The following KLHL22 variants were observed in gnomAD, a reference collection of about 807,000 sequenced individuals.
KLHL22 encodes kelch-like protein 22.
In KLHL22, 18 loss-of-function variants were observed where a neutral mutation model predicts 60.7. The observed-to-expected ratio is 0.30, with a 90% CI of 0.20 to 0.44. KLHL22 has a LOEUF of 0.44. Among genes scored for constraint, KLHL22 ranks in the 20% least tolerant of loss-of-function variants. The probability of loss-of-function intolerance (pLI) is 1.00; values close to 1 mark genes in which losing one functional copy is unlikely to be tolerated. For missense variants in KLHL22, 596 were observed against 852.3 expected (o/e 0.70, Z 3.74); for synonymous variants, 355 against 354.5 (o/e 1.00, Z -0.01).
chr22:20,483,344 G>C (rs1221611970), intron 2 of KLHL22: 2 of 734,080 alleles, frequency 2.7e-6, no homozygotes, highest in Non-Finnish European at 5.0e-6. Flanking sequence ...TCATCATATT[G>C]AGCCTGGATG....
At chr22:20,483,440 CT>C in intron 2 of KLHL22, 10 of 795,534 alleles carry the variant, frequency 1.3e-5, no homozygotes, top group East Asian at 2.5e-5. Flanking sequence ...TCTTGTAGGC[CT>C]TTTACTTCCT....
intron 3 of KLHL22, among the ~76,000 whole-genome samples, chr22:20,468,661 G>C (rs1033657535): frequency 5.3e-5 from 8 of 152,132 alleles, no homozygotes; most frequent in Non-Finnish European, 1.2e-4. Context: ...TTGTGAAGAA[G>C]CCTGTTTTTT....
At chr22:20,488,693 A>AGGGGAGAGGCGGGGAGGGGAGGC in intron 2 of KLHL22, 1 of 285,874 alleles carries the variant, frequency 3.5e-6, no homozygotes, top group Non-Finnish European at 6.4e-6. Flanking sequence ...GGAGGGGAGG[A>AGGGGAGAGGCGGGGAGGGGAGGC]GAGAAAGGAG....
intron 3 of KLHL22, among the ~76,000 whole-genome samples, chr22:20,466,720 G>A (rs2053242739): frequency 6.6e-6 from 1 of 152,178 alleles, no homozygotes; most frequent in Non-Finnish European, 1.5e-5. Context: ...GCAGTGCCAT[G>A]GCAAGATCAT....
At position 20,442,063 on chromosome 22, in the gene KLHL22, C is replaced by T. The variant is rs979292502; in HGVS notation, c.*10G>A. 15 of 1,492,800 alleles carry T rather than the reference C, an allele frequency of 1.0e-5. No individual in the cohort carries two copies. The highest frequency in any genetic ancestry group is 1.3e-5 in the Non-Finnish European group (15 of 1,120,640). 92.5% of individuals were successfully genotyped at this position (1,492,800 alleles called of 1,614,324 possible). A position where few individuals can be genotyped will look rare whatever the true frequency, so the allele number is the denominator to read the frequency against. On this transcript the variant is annotated 3_prime_UTR_variant, in exon 7 of 7. Transcript: ENST00000328879. Reference sequence around the variant, plus strand: ...AGCCTCCCTTCCCTCTGATGCCAGGCACAGGGAGCCTAGTCCTCACTGGAG... The same window carrying T: ...AGCCTCCCTTCCCTCTGATGCCAGGTACAGGGAGCCTAGTCCTCACTGGAG...
In KLHL22 at chr22:20,471,099, TCAGA is replaced by T. The variant is rs530207015; in HGVS notation, c.393+247_393+250del. On this transcript the variant is annotated intron_variant, in intron 3 of 6. Transcript: ENST00000328879. The stretch of plus-strand genomic sequence containing the variant: ...AGGATGCTTTCAATGACAGGGAGAC[TCAGA>T]CAGTGGGGAAACAACCAGCAATAGA... 3.5e-4 allele frequency among the ~76,000 whole-genome samples: 54 copies of T among 152,220 alleles called. 1 individual carries two copies. In the South Asian group the frequency reaches 0.011, roughly 32 times the overall value.
chr22:20,446,545 C>T lies in KLHL22; in HGVS notation c.1437G>A (p.Gly479=), dbSNP rs374263247. The stretch of plus-strand genomic sequence containing the variant: ...TGCCGTGCCAGGCGCGCCGCACAGG[C>T]CCATCAGCCAGTGTGTGCCAAGTGT... ...GSNTWHTLAD[G]PVRRAWHGMA... The change falls in exon 6 of 7, where the codon GGG becomes GGA. Residue 479 remains glycine (G), a synonymous_variant. Coordinates refer to ENST00000328879, the MANE Select transcript of KLHL22 (RefSeq NM_032775.4). 9 of 1,613,850 alleles carry T rather than the reference C, an allele frequency of 5.6e-6. No individual in the cohort carries two copies. Among genetic ancestry groups the T allele is most frequent in the African/African-American group, 4.0e-5 (3 of 75,046 alleles).
At chr22:20,457,710 G>T in intron 5 of KLHL22, 98 bp downstream of exon 5, 1 of 911,046 alleles carries the variant, frequency 1.1e-6, no homozygotes, top group South Asian at 1.6e-5. Flanking sequence ...CTGTTTCTCT[G>T]ACCTGGGACA....
intron 2 of KLHL22, among the ~76,000 whole-genome samples, chr22:20,479,691 G>A (rs551544451): frequency 1.3e-5 from 2 of 152,228 alleles, no homozygotes; most frequent in Admixed American, 1.3e-4. Context: ...GCAAAATCCT[G>A]TCTCAAAAAA....
rs1387685308 is a variant in KLHL22, at chr22:20,446,458, C to T, written c.1524G>A (p.Arg508=). ...CCCCACTCACCTGGTGCACGTCCCTCCTGTATCCGGCATCGTTGTTGCTGC... is the reference window on the plus strand; with the variant it reads ...CCCCACTCACCTGGTGCACGTCCCTTCTGTATCCGGCATCGTTGTTGCTGC... ...IGGSNNDAGY[R]RDVHQVACYS... Residue 508 remains arginine (R), a synonymous_variant, in exon 6 of 7, where the codon AGG becomes AGA. Transcript: ENST00000328879. 4 of 1,608,164 alleles carry T rather than the reference C, an allele frequency of 2.5e-6. No homozygotes were observed. Among genetic ancestry groups the T allele is most frequent in the Middle Eastern group, 1.7e-4 (1 of 6,056 alleles).
At chr22:20,482,890 T>C in intron 2 of KLHL22, 3 of 1,182,026 alleles carry the variant, frequency 2.5e-6, no homozygotes, top group East Asian at 4.7e-5. Context: ...TGGTGGTCTT[T>C]TGGATGGTTT....
At chr22:20,494,310 CAA>C (rs2053736755) in intron 1 of KLHL22, among the ~76,000 whole-genome samples, 1 of 152,172 alleles carries the variant, frequency 6.6e-6, no homozygotes, top group Non-Finnish European at 1.5e-5. Context: ...CTCCCAGGTT[CAA>C]GTGATCCTCC....
chr22:20,480,064 C>G (rs2053474340), intron 2 of KLHL22, among the ~76,000 whole-genome samples: 1 of 152,118 alleles, frequency 6.6e-6, no homozygotes, highest in Non-Finnish European at 1.5e-5. Context: ...ACACATGAAC[C>G]TTAAGGACAC....
intron 4 of KLHL22, among the ~76,000 whole-genome samples, chr22:20,464,193 C>T (rs137872764): frequency 4.6e-5 from 7 of 151,348 alleles, no homozygotes; most frequent in African/African-American, 1.2e-4. Flanking sequence ...ATCCTACGGA[C>T]CACAGCAGTC....
At chr22:20,487,540 A>G (rs967129267) in intron 2 of KLHL22, among the ~76,000 whole-genome samples, 5 of 151,816 alleles carry the variant, frequency 3.3e-5, no homozygotes, top group Admixed American at 1.3e-4. Context: ...TTATTTATAC[A>G]TACACACACA....
chr22:20,460,608 CCCAAAAAAAAAAA>C (rs2053137075), intron 4 of KLHL22, among the ~76,000 whole-genome samples: 8 of 32,684 alleles, frequency 2.4e-4, no homozygotes, highest in South Asian at 1.5e-3. Flanking sequence ...AACTCCATCC[CCCAAAAAAAAAAA>C]AAAAAAAAAA....
chr22:20,451,490 C>T, intron 5 of KLHL22: 1 of 1,598,252 alleles, frequency 6.3e-7, no homozygotes, highest in South Asian at 1.1e-5. Flanking sequence ...AATGTTACAC[C>T]AATGGCCACC....
intron 5 of KLHL22, chr22:20,451,482 T>G (rs1396989337): frequency 2.5e-6 from 4 of 1,598,988 alleles, no homozygotes; most frequent in Non-Finnish European, 3.4e-6. Flanking sequence ...ACTGGACTAA[T>G]GTTACACCAA....
At position 20,465,084 on chromosome 22, in the gene KLHL22, C is replaced by T. The variant is rs1485555063; in HGVS notation, c.886G>A (p.Asp296Asn). ...CCGAAGCCCACAACGCACTGGAAGT[C>T]CGACCGCAGCTCCGTTTGCGGGCTC... ...LQSPQTELRS[D>N]FQCVVGFGGI... The change falls in exon 4 of 7, where the codon GAC becomes AAC. Residue 296 changes from aspartate to asparagine, a missense_variant. By Grantham distance (23) the Asp-to-Asn change is conservative (BLOSUM62 1). Transcript: ENST00000328879. This position sits in a 1 kb window ranked among gnomAD's most constrained non-coding sequence, Gnocchi z 4.9. The T allele has an allele frequency of 1.9e-6, 3 of 1,613,424 alleles. No individual in the cohort carries two copies. The highest frequency in any genetic ancestry group is 1.1e-5 in the South Asian group (1 of 91,064).
Sources: gnomAD v4.1 joint callset for allele counts (sites outside exome capture counted in the v4.1 genomes callset) on GRCh38, gnomAD v4.1.1 for gene constraint, Gnocchi (gnomAD v3.1) non-coding constraint, MANE v1.5 for transcripts, NCBI Gene and HGNC (gene_info 2026-07-23, HGNC 2026-07-21) for gene names.